The following UGT3A2 variants were observed in gnomAD, a reference collection of about 807,000 sequenced individuals.
The protein encoded by UGT3A2 is UDP glycosyltransferase family 3 member A2.
In UGT3A2, 32 loss-of-function variants were observed where a neutral mutation model predicts 39.8. The ratio of observed to expected loss-of-function variants is 0.80; its 90% CI spans 0.61 to 1.08. The LOEUF is 1.08. UGT3A2 is among the 50% of genes least tolerant of loss of function. UGT3A2 has a pLI of 0.00. For missense variants in UGT3A2, 611 were observed against 637.1 expected (o/e 0.96, Z 0.44); for synonymous variants, 241 against 230.7 (o/e 1.04, Z -0.40).
At chr5:36,066,038 C>T (rs1211510396) in intron 1 of UGT3A2, among the ~76,000 whole-genome samples, 1 of 152,050 alleles carries the variant, frequency 6.6e-6, no homozygotes, top group African/African-American at 2.4e-5. Flanking sequence ...ATTAACAGTC[C>T]CATGAATCCC....
At chr5:36,061,243 T>G (rs1188659345) in intron 2 of UGT3A2, among the ~76,000 whole-genome samples, 1 of 151,760 alleles carries the variant, frequency 6.6e-6, no homozygotes, top group Non-Finnish European at 1.5e-5. Flanking sequence ...TAAATTTTAT[T>G]ATTATTATTA....
chr5:36,039,545 C>T lies in UGT3A2; in HGVS notation c.1007G>A (p.Trp336Ter), dbSNP rs149684501. The T allele has an allele frequency of 6.2e-7, 1 of 1,614,126 alleles. No homozygotes were observed. Among genetic ancestry groups the T allele is most frequent in the African/African-American group, 1.3e-5 (1 of 75,008 alleles). Residue 336 changes from tryptophan (W) to a stop codon, truncating the protein, a stop_gained, in exon 5 of 7, where the codon TGG becomes TAG. Coordinates refer to ENST00000282507, the MANE Select transcript of UGT3A2 (RefSeq NM_174914.4). LOFTEE classifies it high-confidence loss of function. ...GVIWKCQCSH[W>*]PKDVHLAANV... is the part of the protein sequence containing the mutation. Reference sequence around the variant, plus strand: ...TGCAGCCAGGTGGACATCTTTGGGCCAATGAGAACACTGACACTTCCATAT... The same window carrying T: ...TGCAGCCAGGTGGACATCTTTGGGCTAATGAGAACACTGACACTTCCATAT...
intron 2 of UGT3A2, among the ~76,000 whole-genome samples, 195 bp from the exon 3 acceptor site, chr5:36,052,179 C>T (rs549629641): frequency 9.3e-4 from 142 of 152,272 alleles, no homozygotes; most frequent in Non-Finnish European, 1.3e-3. Context: ...AGTGCAATAG[C>T]ACAATCCTAG....
chr5:36,040,454 C>T lies in UGT3A2; in HGVS notation c.844-746G>A, dbSNP rs935683583. Reference sequence around the variant, plus strand: ...ACCATTCCTGGTTTTAACATCATACCGAGGAAAAAGGCACTGAGAAGGTAG... The same window carrying T: ...ACCATTCCTGGTTTTAACATCATACTGAGGAAAAAGGCACTGAGAAGGTAG... On this transcript the variant is annotated intron_variant, in intron 4 of 6. Coordinates refer to ENST00000282507, the MANE Select transcript of UGT3A2 (RefSeq NM_174914.4). Among the ~76,000 whole-genome samples, 10 of 151,966 alleles carry T rather than the reference C, an allele frequency of 6.6e-5. No homozygotes were observed. In the East Asian group the frequency reaches 9.6e-4, roughly 15 times the overall value.
intron 2 of UGT3A2, among the ~76,000 whole-genome samples, chr5:36,060,876 C>T (rs1742673148): frequency 6.6e-6 from 1 of 152,140 alleles, no homozygotes; most frequent in Non-Finnish European, 1.5e-5. Flanking sequence ...GGAAATGGGG[C>T]CAGGTGCGGT....
intron 4 of UGT3A2, among the ~76,000 whole-genome samples, chr5:36,040,979 A>G (rs1447368386): frequency 6.6e-6 from 1 of 152,212 alleles, no homozygotes; most frequent in Non-Finnish European, 1.5e-5. Flanking sequence ...ATTAAGCACC[A>G]AGGAGAATCC....
At chr5:36,052,797 G>C (rs910849291) in intron 2 of UGT3A2, among the ~76,000 whole-genome samples, 8 of 152,070 alleles carry the variant, frequency 5.3e-5, no homozygotes, top group African/African-American at 1.9e-4. Flanking sequence ...TCTTCTTAAT[G>C]CATGTGTGCC....
In UGT3A2 at chr5:36,042,682, G is replaced by A. The variant is rs542191064; in HGVS notation, c.844-2974C>T. On this transcript the variant is annotated intron_variant, in intron 4 of 6. Coordinates refer to ENST00000282507, the MANE Select transcript of UGT3A2 (RefSeq NM_174914.4). ...AACACACATAGACTGAAAATAAAGG[G>A]ATAGGAAAAGATATTCCATGAAAGT... is the stretch of plus-strand genomic sequence containing the variant. 2.6e-5 allele frequency among the ~76,000 whole-genome samples: 4 copies of A among 152,020 alleles called. No homozygotes were observed. The South Asian group carries it at 8.3e-4, about 32-fold the overall frequency.
chr5:36,065,110 G>A (rs1000175678), intron 1 of UGT3A2, among the ~76,000 whole-genome samples: 1 of 152,050 alleles, frequency 6.6e-6, no homozygotes, highest in Admixed American at 6.6e-5. Context: ...CAAGTTCCAC[G>A]AAATCAATGT....
intron 1 of UGT3A2, 134 bp downstream of exon 1, chr5:36,066,562 C>T: frequency 1.3e-6 from 2 of 1,519,218 alleles, no homozygotes; most frequent in Middle Eastern, 2.1e-4. Context: ...GGGCTTCTCC[C>T]TCCTCCAGCC....
At chr5:36,059,479 G>A (rs1742620405) in intron 2 of UGT3A2, among the ~76,000 whole-genome samples, 1 of 151,672 alleles carries the variant, frequency 6.6e-6, no homozygotes. Flanking sequence ...GGAGAGGGAG[G>A]ATGAAAATTG....
At chr5:36,040,497 T>A (rs1741973800) in intron 4 of UGT3A2, among the ~76,000 whole-genome samples, 1 of 152,160 alleles carries the variant, frequency 6.6e-6, no homozygotes, top group African/African-American at 2.4e-5. Flanking sequence ...AGTCTTCAAT[T>A]ACCATGTGGT....
chr5:36,066,014 A>G, intron 1 of UGT3A2, among the ~76,000 whole-genome samples: 1 of 152,160 alleles, frequency 6.6e-6, no homozygotes, highest in East Asian at 1.9e-4. Flanking sequence ...TAAAACTGAG[A>G]CCCAAAATGC....
chr5:36,041,657 G>C (rs957916052), intron 4 of UGT3A2, among the ~76,000 whole-genome samples: 1 of 152,136 alleles, frequency 6.6e-6, no homozygotes, highest in Admixed American at 6.5e-5. Flanking sequence ...CTTCTACAAG[G>C]CTGCAAGAGT....
intron 3 of UGT3A2, among the ~76,000 whole-genome samples, chr5:36,050,844 A>G (rs1742320744): frequency 6.9e-6 from 1 of 145,482 alleles, no homozygotes; most frequent in Non-Finnish European, 1.5e-5. Flanking sequence ...CCTGGGCAAC[A>G]AGAGCAAAAC....
In UGT3A2 at chr5:36,051,797, T is replaced by C. The variant is rs1742351713; in HGVS notation, c.311+73A>G. The C allele has an allele frequency of 4.6e-6, 5 of 1,080,442 alleles. No individual in the cohort carries two copies. In the Admixed American group the frequency reaches 7.6e-5, roughly 17 times the overall value. 66.9% of individuals were successfully genotyped at this position (1,080,442 alleles called of 1,614,324 possible). On this transcript the variant is annotated intron_variant, in intron 3 of 6. Coordinates refer to ENST00000282507, the MANE Select transcript of UGT3A2 (RefSeq NM_174914.4). The stretch of plus-strand genomic sequence containing the variant: ...CTTTCTCTTATCCTCATTCCAAGTA[T>C]CCATGCATCCATCCATCCATTTGTA...
intron 1 of UGT3A2, 130 bp downstream of exon 1, chr5:36,066,566 T>A: frequency 6.5e-7 from 1 of 1,528,526 alleles, no homozygotes; most frequent in Non-Finnish European, 9.0e-7. Context: ...TTCTCCCTCC[T>A]CCAGCCGGGT....
At chr5:36,043,562 A>G (rs544663031) in intron 4 of UGT3A2, among the ~76,000 whole-genome samples, 2 of 152,122 alleles carry the variant, frequency 1.3e-5, no homozygotes, top group African/African-American at 4.8e-5. Context: ...TTTAAAAAAA[A>G]GATCAATGAA....
At chr5:36,058,104 T>C (rs1343962853) in intron 2 of UGT3A2, among the ~76,000 whole-genome samples, 1 of 152,214 alleles carries the variant, frequency 6.6e-6, no homozygotes, top group African/African-American at 2.4e-5. Context: ...GCAGCATTGT[T>C]CACAATAGTC....
Sources: allele counts gnomAD v4.1 joint callset (sites outside exome capture counted in the v4.1 genomes callset), GRCh38; gene constraint gnomAD v4.1.1; transcripts MANE v1.5; gene names NCBI Gene and HGNC (gene_info 2026-07-23, HGNC 2026-07-21).